Variants in CERKL observed in about 807,000 individuals in gnomAD.
The protein encoded by CERKL is ceramide kinase-like protein.
Under a neutral mutation model 63.4 loss-of-function variants are expected in CERKL, and 61 were observed. The observed-to-expected ratio is 0.96, with a 90% CI of 0.78 to 1.19. The LOEUF (loss-of-function observed/expected upper bound fraction) is 1.19, where lower values mean the gene tolerates loss of function less well. CERKL is among the 50% of genes most tolerant of loss of function. CERKL has a pLI of 0.00. For missense variants in CERKL, 675 were observed against 655.5 expected, an observed-to-expected ratio of 1.03 and a Z score of -0.33; for synonymous variants, 250 against 230.5, an observed-to-expected ratio of 1.08 and a Z score of -0.77.
intron 1 of CERKL, among the ~76,000 whole-genome samples, chr2:181,654,410 T>C (rs942315639): frequency 2.0e-5 from 3 of 152,238 alleles, no homozygotes; most frequent in Non-Finnish European, 4.4e-5. Flanking sequence ...TCTTTGCTTA[T>C]TACTCAAGAT....
intron 1 of CERKL, among the ~76,000 whole-genome samples, chr2:181,614,696 T>G (rs376861933): frequency 1.5e-4 from 23 of 152,302 alleles, no homozygotes; most frequent in African/African-American, 5.3e-4. Context: ...CCTAATTGTA[T>G]GTAAAAGCTA....
chr2:181,581,011 T>C (rs932228599), intron 2 of CERKL, among the ~76,000 whole-genome samples: 3 of 152,182 alleles, frequency 2.0e-5, no homozygotes, highest in African/African-American at 7.2e-5. Flanking sequence ...CTCACTCATT[T>C]TACCCTGCTA....
intron 3 of CERKL, among the ~76,000 whole-genome samples, chr2:181,566,734 A>T (rs952219567): frequency 6.6e-6 from 1 of 152,182 alleles, no homozygotes; most frequent in African/African-American, 2.4e-5. Flanking sequence ...GTCACTCTGT[A>T]TCGCTGTCTC....
chr2:181,616,314 C>A (rs1317621064), intron 1 of CERKL, among the ~76,000 whole-genome samples: 2 of 148,194 alleles, frequency 1.3e-5, no homozygotes, highest in Non-Finnish European at 3.0e-5. Flanking sequence ...CCCAGGTTCA[C>A]ACCATTCTCT....
intron 1 of CERKL, among the ~76,000 whole-genome samples, chr2:181,645,503 T>C (rs563169752): frequency 2.0e-5 from 3 of 152,366 alleles, no homozygotes; most frequent in Admixed American, 2.0e-4. Flanking sequence ...AGTGCTCCCC[T>C]TGCCCTCTGG....
chr2:181,588,660 C>T (rs1005286507), intron 2 of CERKL, among the ~76,000 whole-genome samples: 7 of 152,062 alleles, frequency 4.6e-5, no homozygotes, highest in African/African-American at 1.7e-4. Context: ...GTTTGAGGAA[C>T]CTCCATTCTC....
chr2:181,538,373 A>ATCTAGAAAACTGAGAAGGTCT (rs1687306510), intron 12 of CERKL, 129 bp from the exon 13 acceptor site: 1 of 626,636 alleles, frequency 1.6e-6, no homozygotes, highest in Non-Finnish European at 2.9e-6. Context: ...CAGAGCTGTA[A>ATCTAGAAAACTGAGAAGGTCT]TCTAGAAAAC....
At chr2:181,555,058 T>C (rs1559075035) in intron 5 of CERKL, among the ~76,000 whole-genome samples, 1 of 152,106 alleles carries the variant, frequency 6.6e-6, no homozygotes, top group Non-Finnish European at 1.5e-5. Context: ...AGAAATACTC[T>C]TCAAAATTAT....
chr2:181,617,463 C>A (rs1433546487), intron 1 of CERKL: 1 of 152,150 alleles, frequency 6.6e-6, no homozygotes, highest in Admixed American at 6.5e-5. Flanking sequence ...AGCAAAGCAA[C>A]TGAGAGCTTT....
intron 1 of CERKL, among the ~76,000 whole-genome samples, chr2:181,622,353 T>C (rs1397576054): frequency 6.6e-6 from 1 of 152,174 alleles, no homozygotes; most frequent in Non-Finnish European, 1.5e-5. Context: ...AGAAGAGGCA[T>C]CCATTTTTAT....
At chr2:181,645,612 C>T (rs1410370684) in intron 1 of CERKL, among the ~76,000 whole-genome samples, 5 of 152,204 alleles carry the variant, frequency 3.3e-5, no homozygotes, top group Admixed American at 6.5e-5. Flanking sequence ...CAAGCTGAGG[C>T]AAAGGCCACA....
At chr2:181,590,569 T>C in intron 2 of CERKL, among the ~76,000 whole-genome samples, 1 of 152,104 alleles carries the variant, frequency 6.6e-6, no homozygotes, top group Non-Finnish European at 1.5e-5. Context: ...ATAAAGAACT[T>C]GTCAGAATTG....
chr2:181,643,391 A>T (rs552464384), intron 1 of CERKL, among the ~76,000 whole-genome samples: 2 of 152,332 alleles, frequency 1.3e-5, no homozygotes, highest in Non-Finnish European at 2.9e-5. Flanking sequence ...AATCTTTCCT[A>T]CACCACAGAT....
chr2:181,627,554 A>G (rs1368235372), intron 1 of CERKL, among the ~76,000 whole-genome samples: 1 of 152,212 alleles, frequency 6.6e-6, no homozygotes, highest in Admixed American at 6.5e-5. Flanking sequence ...TAGGTGTCCT[A>G]GTCACAATGC....
At chr2:181,557,582 C>G (rs568911311) in intron 5 of CERKL, among the ~76,000 whole-genome samples, 10 of 152,206 alleles carry the variant, frequency 6.6e-5, no homozygotes, top group Admixed American at 2.0e-4. Flanking sequence ...TTCTCCGTGT[C>G]TCTGACCTCT....
At chr2:181,541,860 A>G (rs562601582) in intron 11 of CERKL, among the ~76,000 whole-genome samples, 1 of 152,214 alleles carries the variant, frequency 6.6e-6, no homozygotes, top group Non-Finnish European at 1.5e-5. Flanking sequence ...CGCAGAAGGA[A>G]CAACTTTAGG....
rs1272704104 is a variant in CERKL at position 181,537,126 on chromosome 2, A to AAAAACTTT, written c.*1050_*1057dup. On this transcript the variant is annotated 3_prime_UTR_variant, in exon 13 of 13. Coordinates refer to ENST00000410087, the MANE Select transcript of CERKL (RefSeq NM_201548.5). ...ACTTTATGACATTTATGTATTTTTAAAAAACTTTGTATCGTTATAAAAAGG... is the reference window on the plus strand; with the variant it reads ...ACTTTATGACATTTATGTATTTTTAAAAAACTTTAAAACTTTGTATCGTTATAAAAAGG... The AAAAACTTT allele has an allele frequency of 2.2e-6, 1 of 453,008 alleles. No homozygotes were observed. The highest frequency in any genetic ancestry group is 4.4e-6 in the Non-Finnish European group (1 of 226,538). 28.1% of individuals were successfully genotyped at this position (453,008 alleles called of 1,614,324 possible).
chr2:181,583,286 T>A (rs895711997), intron 2 of CERKL, among the ~76,000 whole-genome samples: 9 of 152,076 alleles, frequency 5.9e-5, no homozygotes, highest in Admixed American at 5.9e-4. Flanking sequence ...AAACTAGATA[T>A]CTCTTCCCTA....
chr2:181,583,044 T>C (rs1031581332), intron 2 of CERKL, among the ~76,000 whole-genome samples: 1 of 152,206 alleles, frequency 6.6e-6, no homozygotes, highest in South Asian at 2.1e-4. Flanking sequence ...AATTGCTTAA[T>C]TAGTTAACTA....
Sources: gnomAD v4.1 joint callset for allele counts (sites outside exome capture counted in the v4.1 genomes callset) on GRCh38, gnomAD v4.1.1 for gene constraint, MANE v1.5 for transcripts, NCBI Gene and HGNC (gene_info 2026-07-23, HGNC 2026-07-21) for gene names.